UBR3: variants seen among roughly 807,000 people sequenced by gnomAD.
UBR3 encodes ubiquitin protein ligase E3 component n-recognin 3, also known as E3 ubiquitin-protein ligase UBR3.
Under a neutral mutation model 243.2 loss-of-function variants are expected in UBR3, and 85 were observed. That is an observed-to-expected ratio of 0.35 (90% CI 0.29 to 0.42). UBR3 has a LOEUF of 0.42. UBR3 is among the 10% of genes least tolerant of loss of function. UBR3 has a pLI of 1.00. For missense variants in UBR3, 1,686 were observed against 2,300.8 expected, an observed-to-expected ratio of 0.73 and a Z score of 5.47; for synonymous variants, 748 against 799.8, an observed-to-expected ratio of 0.94 and a Z score of 1.09.
chr2:169,972,684 T>C (rs1375945486), intron 24 of UBR3, among the ~76,000 whole-genome samples: 1 of 152,132 alleles, frequency 6.6e-6, no homozygotes, highest in Non-Finnish European at 1.5e-5. Flanking sequence ...TCTCAATAGA[T>C]GCAGAAAAAG....
At chr2:169,832,717 C>T (rs964071734) in intron 1 of UBR3, among the ~76,000 whole-genome samples, 2 of 152,148 alleles carry the variant, frequency 1.3e-5, no homozygotes, top group South Asian at 2.1e-4. Flanking sequence ...GGCGGATCAC[C>T]TTAAGTCGGG....
At position 169,965,668 on chromosome 2, in the gene UBR3, A is replaced by G. The variant is rs138684577; in HGVS notation, c.3634+7142A>G. Among the ~76,000 whole-genome samples the G allele has an allele frequency of 4.3e-3, 659 of 152,332 alleles. 13 individuals are homozygous for G. The highest frequency in any genetic ancestry group is 0.033 in the Admixed American group (510 of 15,292). ...CTGATAACAGAAATGGATATGCTGG[A>G]CAAAGGGATGATTCACATCCTGGAC... is the stretch of plus-strand genomic sequence containing the variant. On this transcript the variant is annotated intron_variant, in intron 24 of 38. Transcript: ENST00000272793.
At chr2:169,890,303 T>C (rs893934069) in intron 5 of UBR3, among the ~76,000 whole-genome samples, 1 of 151,930 alleles carries the variant, frequency 6.6e-6, no homozygotes, top group Non-Finnish European at 1.5e-5. Context: ...TGCATTGTCA[T>C]AGTTGGCTGG....
intron 35 of UBR3, among the ~76,000 whole-genome samples, chr2:170,072,555 T>C (rs1046398371): frequency 6.6e-6 from 1 of 152,096 alleles, no homozygotes; most frequent in Non-Finnish European, 1.5e-5. Flanking sequence ...ACATGTACCC[T>C]AAAACTTAAA....
intron 1 of UBR3, among the ~76,000 whole-genome samples, chr2:169,832,279 G>C (rs924031425): frequency 6.6e-6 from 1 of 152,156 alleles, no homozygotes; most frequent in Non-Finnish European, 1.5e-5. Flanking sequence ...GGCTGGGCGC[G>C]GTGGCTCACG....
chr2:170,041,168 G>A (rs2090958833), intron 32 of UBR3, among the ~76,000 whole-genome samples, 183 bp downstream of exon 32: 1 of 152,186 alleles, frequency 6.6e-6, no homozygotes, highest in South Asian at 2.1e-4. Flanking sequence ...TTAATATAGT[G>A]AGATGCTGTC....
rs1385757004 is a variant in UBR3, at chr2:169,827,546, G to C, written c.39G>C (p.Gln13His). ...CCGCGGCGGCCGTCGGGGGCCAGCA[G>C]CCGTCACAGCCCGAGCTGCCCGCGC... ...AAAAAAVGGQ[Q>H]PSQPELPAPG... Residue 13 changes from glutamine to histidine, a missense_variant, in exon 1 of 39, where the codon CAG (glutamine) becomes CAC (histidine). By Grantham distance (24) the Gln-to-His change is conservative. This residue lies in a region of UBR3 where 79 missense variants were observed against 73.2 expected (regional missense o/e 1.08). Coordinates refer to ENST00000272793, the MANE Select transcript of UBR3 (RefSeq NM_172070.4). The C allele has an allele frequency of 8.1e-7, 1 of 1,232,488 alleles. No individual in the cohort carries two copies. The highest frequency in any genetic ancestry group is 1.0e-6 in the Non-Finnish European group (1 of 989,476). 76.3% of individuals were successfully genotyped at this position (1,232,488 alleles called of 1,614,324 possible).
At chr2:170,000,873 G>A (rs564814356) in intron 26 of UBR3, among the ~76,000 whole-genome samples, 1 of 152,276 alleles carries the variant, frequency 6.6e-6, no homozygotes, top group Non-Finnish European at 1.5e-5. Context: ...CAGTTAAAGA[G>A]GCAGGAACGA....
intron 24 of UBR3, among the ~76,000 whole-genome samples, chr2:169,976,777 C>T (rs773086040): frequency 3.3e-5 from 5 of 152,090 alleles, no homozygotes; most frequent in Non-Finnish European, 7.4e-5. Flanking sequence ...TTTTGAGCTT[C>T]TTGGATCTAG....
chr2:169,939,541 A>G (rs749295963), intron 19 of UBR3, among the ~76,000 whole-genome samples: 24 of 151,270 alleles, frequency 1.6e-4, no homozygotes, highest in Non-Finnish European at 3.1e-4. Flanking sequence ...TGCTGGGATT[A>G]CAGGTGTGAG....
chr2:169,902,486 T>G (rs1253120412), intron 8 of UBR3, among the ~76,000 whole-genome samples: 1 of 152,226 alleles, frequency 6.6e-6, no homozygotes, highest in East Asian at 1.9e-4. Context: ...GATTCTAACC[T>G]TTTCTTAGGT....
intron 35 of UBR3, among the ~76,000 whole-genome samples, chr2:170,071,913 C>T (rs1574481125): frequency 6.6e-6 from 1 of 152,182 alleles, no homozygotes; most frequent in East Asian, 1.9e-4. Context: ...ATTAAAAAGT[C>T]AGGAAACAAC....
At chr2:169,948,464 G>A (rs1036380832) in intron 22 of UBR3, among the ~76,000 whole-genome samples, 7 of 151,948 alleles carry the variant, frequency 4.6e-5, no homozygotes, top group Non-Finnish European at 4.4e-5. Flanking sequence ...CTTTTAAAAA[G>A]CAGTAATGAA....
chr2:169,925,697 C>T lies in UBR3; in HGVS notation c.2101C>T (p.Gln701Ter). Reference sequence around the variant, plus strand: ...CAAAGGACAAGCCATGACGTATGTCCAGTCTCATTTCTGTAATTCCATGAT... The same window carrying T: ...CAAAGGACAAGCCATGACGTATGTCTAGTCTCATTTCTGTAATTCCATGAT... ...QIKGQAMTYV[Q>*]SHFCNSMIDP... is the part of the protein sequence containing the mutation. The change falls in exon 14 of 39, where the codon CAG becomes TAG. Residue 701 changes from glutamine (Q) to a stop codon, truncating the protein, a stop_gained. Coordinates refer to ENST00000272793, the MANE Select transcript of UBR3 (RefSeq NM_172070.4). LOFTEE classifies it high-confidence loss of function. 6.4e-7 allele frequency: 1 copy of T among 1,550,856 alleles called. No individual in the cohort carries two copies. The highest frequency in any genetic ancestry group is 8.7e-7 in the Non-Finnish European group (1 of 1,146,590).
chr2:169,901,885 T>C (rs1429817494), intron 8 of UBR3, among the ~76,000 whole-genome samples: 1 of 152,252 alleles, frequency 6.6e-6, no homozygotes, highest in Non-Finnish European at 1.5e-5. Flanking sequence ...TTGTATGACA[T>C]AGGAATGTCT....
At chr2:170,046,019 T>G (rs1177276717) in intron 32 of UBR3, among the ~76,000 whole-genome samples, 1 of 150,954 alleles carries the variant, frequency 6.6e-6, no homozygotes, top group African/African-American at 2.4e-5. Context: ...TAGGCTGGAA[T>G]GCAGTGGCAC....
intron 27 of UBR3, among the ~76,000 whole-genome samples, chr2:170,004,924 C>T (rs2089854809): frequency 6.6e-6 from 1 of 151,388 alleles, no homozygotes; most frequent in Non-Finnish European, 1.5e-5. Context: ...AACAAACAAA[C>T]AAAAAGAAAG....
Position 169,947,705 on chromosome 2 carries a change from G to T in UBR3, c.3074G>T (p.Gly1025Val). The T allele has an allele frequency of 6.7e-7, 1 of 1,484,206 alleles. No individual in the cohort carries two copies. The highest frequency in any genetic ancestry group is 1.4e-5 in the South Asian group (1 of 70,566). The allele number at this position is 1,484,206 out of a possible 1,614,324, so 91.9% of individuals were successfully genotyped here. The part of the protein sequence containing the change: ...SPASTSSDNL[G>V]SLQNSGTAQV... ...GCAAGTACTAGCTCTGATAACTTGGGTTCTTTACAAGTAAGTGTAAATGTA... is the reference window on the plus strand; with the variant it reads ...GCAAGTACTAGCTCTGATAACTTGGTTTCTTTACAAGTAAGTGTAAATGTA... The change falls in exon 22 of 39, where the codon GGT becomes GTT. Residue 1025 changes from glycine to valine, a missense_variant. Transcript: ENST00000272793.
intron 19 of UBR3, among the ~76,000 whole-genome samples, chr2:169,936,141 C>A (rs1422198027): frequency 2.6e-5 from 4 of 152,058 alleles, no homozygotes; most frequent in African/African-American, 9.7e-5. Flanking sequence ...CTCACCGCAA[C>A]CTCTGCCTCC....
Sources: allele counts gnomAD v4.1 joint callset (sites outside exome capture counted in the v4.1 genomes callset), GRCh38; gene constraint gnomAD v4.1.1; regional missense constraint gnomAD v4.1.1; transcripts MANE v1.5; gene names NCBI Gene and HGNC (gene_info 2026-07-23, HGNC 2026-07-21).